Variants in CDK6 observed in about 807,000 individuals in gnomAD.
CDK6 encodes the protein cyclin dependent kinase 6.
CDK6 carries 6 observed loss-of-function variants against 37.1 expected under a neutral mutation model. The observed-to-expected ratio is 0.16, with a 90% CI of 0.09 to 0.32. The LOEUF is 0.32. Among genes scored for constraint, CDK6 ranks in the 10% least tolerant of loss-of-function variants. CDK6 has a pLI of 1.00. For missense variants in CDK6, 224 were observed against 418.9 expected, an observed-to-expected ratio of 0.53 and a Z score of 4.06; for synonymous variants, 160 against 161.3, an observed-to-expected ratio of 0.99 and a Z score of 0.06.
intron 3 of CDK6, among the ~76,000 whole-genome samples, chr7:92,764,620 T>A (rs938701871): frequency 2.0e-5 from 3 of 152,214 alleles, no homozygotes; most frequent in African/African-American, 7.2e-5. Flanking sequence ...AGGGTGATGA[T>A]GAGGAAGAGG....
chr7:92,774,405 C>G (rs1799794732), intron 3 of CDK6, among the ~76,000 whole-genome samples: 1 of 152,164 alleles, frequency 6.6e-6, no homozygotes, highest in Admixed American at 6.5e-5. Flanking sequence ...CTAAGACAAT[C>G]TACAACTAAG....
intron 3 of CDK6, among the ~76,000 whole-genome samples, chr7:92,762,483 C>T (rs1299444813): frequency 6.6e-6 from 1 of 152,094 alleles, no homozygotes; most frequent in African/African-American, 2.4e-5. Context: ...TTTCTCAGTT[C>T]CAGACTTAAA....
At chr7:92,713,910 T>A (rs1798160562) in intron 4 of CDK6, among the ~76,000 whole-genome samples, 1 of 152,060 alleles carries the variant, frequency 6.6e-6, no homozygotes, top group Non-Finnish European at 1.5e-5. Context: ...TTCAGGGAAG[T>A]CAATATTTAA....
chr7:92,675,891 T>C (rs1378322165), intron 4 of CDK6, among the ~76,000 whole-genome samples: 1 of 152,116 alleles, frequency 6.6e-6, no homozygotes, highest in Non-Finnish European at 1.5e-5. Context: ...TTTCTTATAA[T>C]CATTTTAATT....
At chr7:92,796,271 ATTTC>A (rs965315257) in intron 2 of CDK6, among the ~76,000 whole-genome samples, 2 of 151,942 alleles carry the variant, frequency 1.3e-5, no homozygotes, top group African/African-American at 2.4e-5. Flanking sequence ...CTTGGTTTGC[ATTTC>A]TTTGTTTCAA....
intron 5 of CDK6, among the ~76,000 whole-genome samples, chr7:92,667,251 G>A (rs1796977724): frequency 6.6e-6 from 1 of 152,188 alleles, no homozygotes; most frequent in Admixed American, 6.5e-5. Context: ...AGGCTAGGGT[G>A]TAGTGGCATG....
chr7:92,746,292 A>G lies in CDK6; in HGVS notation c.370-20499T>C, dbSNP rs924453838. On this transcript the variant is annotated intron_variant, in intron 3 of 7. Coordinates refer to ENST00000424848, the MANE Select transcript of CDK6 (RefSeq NM_001145306.2). ...AAGTGAGAAGTCTCAGTCGCTGAACATATGTATTTTTAATATTAAAAGATA... is the reference window on the plus strand; with the variant it reads ...AAGTGAGAAGTCTCAGTCGCTGAACGTATGTATTTTTAATATTAAAAGATA... Among the ~76,000 whole-genome samples, 5 of 152,210 alleles carry G rather than the reference A, an allele frequency of 3.3e-5. No homozygotes were observed. In the East Asian group the frequency reaches 7.7e-4, roughly 23 times the overall value.
intron 2 of CDK6, among the ~76,000 whole-genome samples, chr7:92,801,977 C>T (rs13240469): frequency 1.5e-5 from 2 of 130,540 alleles, no homozygotes; most frequent in Admixed American, 1.6e-4. Flanking sequence ...CTCTCCCCTT[C>T]CCTTCTCCTT....
intron 2 of CDK6, among the ~76,000 whole-genome samples, chr7:92,824,099 A>C (rs1271749117): frequency 1.3e-5 from 2 of 151,948 alleles, no homozygotes; most frequent in African/African-American, 2.4e-5. Context: ...AGGAACACCT[A>C]CCACAGAAAT....
In CDK6 at chr7:92,786,902, G is replaced by A. The variant is rs1390293264; in HGVS notation, c.234-12071C>T. Among the ~76,000 whole-genome samples the A allele has an allele frequency of 2.6e-5, 4 of 152,034 alleles. No homozygotes were observed. In the South Asian group the frequency reaches 6.2e-4, roughly 24 times the overall value. ...ATGGTAGAAAGATAAATCAAGATGT[G>A]GCTGGGTGCAGTGGCTCACCCCTGT... On this transcript the variant is annotated intron_variant, in intron 2 of 7. Coordinates refer to ENST00000424848, the MANE Select transcript of CDK6 (RefSeq NM_001145306.2).
At chr7:92,712,141 A>C (rs893210294) in intron 4 of CDK6, among the ~76,000 whole-genome samples, 1 of 151,192 alleles carries the variant, frequency 6.6e-6, no homozygotes, top group African/African-American at 2.4e-5. Context: ...GTCTGGGTGA[A>C]AGAGCAAGAC....
rs1025114145 is a variant in CDK6, at chr7:92,712,718, G to C, written c.537+12908C>G. 7.2e-4 allele frequency among the ~76,000 whole-genome samples: 110 copies of C among 152,130 alleles called. 1 individual carries two copies. The highest frequency in any genetic ancestry group is 1.5e-3 in the Non-Finnish European group (99 of 68,016). On this transcript the variant is annotated intron_variant, in intron 4 of 7. Transcript: ENST00000424848. ...TACTTTAAATGGACTATTCAATCTT[G>C]TCAAAATCTTAAATATTGTGCTACA...
chr7:92,716,274 TGATAAA>T (rs1241976447), intron 4 of CDK6, among the ~76,000 whole-genome samples: 1 of 152,166 alleles, frequency 6.6e-6, no homozygotes, highest in African/African-American at 2.4e-5. Flanking sequence ...AGTGAAAAAC[TGATAAA>T]GAATATGTGC....
intron 2 of CDK6, among the ~76,000 whole-genome samples, chr7:92,816,698 G>T (rs1482538959): frequency 6.6e-6 from 1 of 151,936 alleles, no homozygotes; most frequent in Non-Finnish European, 1.5e-5. Flanking sequence ...CCCAATGTAA[G>T]TAGGAAAAGA....
intron 5 of CDK6, among the ~76,000 whole-genome samples, chr7:92,632,110 G>A (rs1796066204): frequency 6.6e-6 from 1 of 152,064 alleles, no homozygotes. Context: ...GGGCTCTGTT[G>A]TGGGTGTGTC....
chr7:92,716,132 A>C (rs911344782), intron 4 of CDK6, among the ~76,000 whole-genome samples: 4 of 152,212 alleles, frequency 2.6e-5, no homozygotes, highest in Non-Finnish European at 5.9e-5. Flanking sequence ...CAAATTAAAA[A>C]AATTTTTTTG....
At chr7:92,710,202 CTGAT>C (rs1391458202) in intron 4 of CDK6, among the ~76,000 whole-genome samples, 1 of 152,150 alleles carries the variant, frequency 6.6e-6, no homozygotes, top group Non-Finnish European at 1.5e-5. Flanking sequence ...TATCTACAGA[CTGAT>C]TGGTCAATGG....
At chr7:92,666,655 G>C (rs1234619992) in intron 5 of CDK6, among the ~76,000 whole-genome samples, 1 of 152,144 alleles carries the variant, frequency 6.6e-6, no homozygotes, top group African/African-American at 2.4e-5. Context: ...TAATGAAGCT[G>C]AATGATTCCT....
chr7:92,711,552 A>ATTTTTTTTTTTTTTTTTTTTTTTTTTTTT, intron 4 of CDK6, among the ~76,000 whole-genome samples: 1 of 56,626 alleles, frequency 1.8e-5, no homozygotes, highest in African/African-American at 8.2e-5. Context: ...GAATGGTCAA[A>ATTTTTTTTTTTTTTTTTTTTTTTTTTTTT]TTTTTTTTTT....
Sources: allele counts gnomAD v4.1 joint callset (sites outside exome capture counted in the v4.1 genomes callset), GRCh38; gene constraint gnomAD v4.1.1; transcripts MANE v1.5; gene names NCBI Gene and HGNC (gene_info 2026-07-23, HGNC 2026-07-21).